INTU: variants seen among roughly 807,000 people sequenced by gnomAD.
The protein encoded by INTU is inturned planar cell polarity protein, also known as protein inturned.
Under a neutral mutation model 100.5 loss-of-function variants are expected in INTU, and 68 were observed. That is an observed-to-expected ratio of 0.68 (90% CI 0.56 to 0.83). The LOEUF (loss-of-function observed/expected upper bound fraction) is 0.83. Among genes scored for constraint, INTU ranks in the 40% least tolerant of loss-of-function variants. The pLI is 0.00. For synonymous variants in INTU, 357 were observed against 395.7 expected, an observed-to-expected ratio of 0.90 and a Z score of 1.16; for missense variants, 1,071 against 1,114.7, an observed-to-expected ratio of 0.96 and a Z score of 0.56.
chr4:127,673,550 C>CTT (rs541112035), intron 5 of INTU, among the ~76,000 whole-genome samples: 1 of 144,542 alleles, frequency 6.9e-6, no homozygotes, highest in Non-Finnish European at 1.5e-5. Context: ...AGAATTTCAA[C>CTT]TTTTTTTTTT....
At chr4:127,708,778 A>T in intron 13 of INTU, 110 bp downstream of exon 13, 5 of 590,310 alleles carry the variant, frequency 8.5e-6, no homozygotes, top group Non-Finnish European at 1.2e-5. Context: ...GATATATCTT[A>T]CATATTAAAG....
intron 15 of INTU, among the ~76,000 whole-genome samples, 169 bp downstream of exon 15, chr4:127,714,262 A>G (rs747075603): frequency 5.3e-4 from 80 of 152,110 alleles, no homozygotes; most frequent in South Asian, 1.2e-3. Context: ...CCTCCCAAGT[A>G]TTTTTCTATT....
intron 2 of INTU, among the ~76,000 whole-genome samples, chr4:127,655,462 G>T (rs573023608): frequency 6.7e-6 from 1 of 150,118 alleles, no homozygotes; most frequent in African/African-American, 2.5e-5. Context: ...TCAGCTGCAG[G>T]TCTGTTGGAA....
At chr4:127,673,822 C>T (rs547805530) in intron 5 of INTU, among the ~76,000 whole-genome samples, 3 of 151,988 alleles carry the variant, frequency 2.0e-5, no homozygotes, top group Non-Finnish European at 4.4e-5. Flanking sequence ...TTCTCAAACT[C>T]CTGACCTCAA....
chr4:127,650,511 A>T (rs1316322260), intron 2 of INTU, among the ~76,000 whole-genome samples: 3 of 151,642 alleles, frequency 2.0e-5, no homozygotes, highest in African/African-American at 7.3e-5. Flanking sequence ...ACTGAGAATG[A>T]TTTCCAATTT....
Position 127,687,883 on chromosome 4 carries a change from A to G in INTU, c.1449+16A>G. On this transcript the variant is annotated intron_variant, in intron 8 of 15. Coordinates refer to ENST00000335251, the MANE Select transcript of INTU (RefSeq NM_015693.4). Reference sequence around the variant, plus strand: ...GGAAATCAAGGTAATCTTAGGTATTATAAAGCAGAAGCAGAACCAGGTGCC... The same window carrying G: ...GGAAATCAAGGTAATCTTAGGTATTGTAAAGCAGAAGCAGAACCAGGTGCC... 3 of 1,530,080 alleles carry G rather than the reference A, an allele frequency of 2.0e-6. No homozygotes were observed. Among genetic ancestry groups the G allele is most frequent in the Non-Finnish European group, 2.7e-6 (3 of 1,124,308 alleles). The allele number at this position is 1,530,080 out of a possible 1,614,324, so 94.8% of individuals were successfully genotyped here. A position where few individuals can be genotyped will look rare whatever the true frequency, so the allele number is the denominator to read the frequency against.
At chr4:127,647,856 A>G (rs1727658518) in intron 2 of INTU, among the ~76,000 whole-genome samples, 1 of 152,168 alleles carries the variant, frequency 6.6e-6, no homozygotes, top group Non-Finnish European at 1.5e-5. Context: ...TAAGTTGTAT[A>G]TTCATTTTAT....
chr4:127,668,894 C>G (rs1728806388), intron 4 of INTU, 142 bp from the exon 5 acceptor site: 5 of 503,332 alleles, frequency 9.9e-6, no homozygotes, highest in Non-Finnish European at 1.8e-5. Flanking sequence ...AAGCATAGTT[C>G]TCCCCTTGTG....
chr4:127,682,213 AG>A (rs1294929132), intron 6 of INTU, among the ~76,000 whole-genome samples: 1 of 152,090 alleles, frequency 6.6e-6, no homozygotes, highest in Non-Finnish European at 1.5e-5. Flanking sequence ...TCAGGGATCT[AG>A]AACTAGAAAT....
intron 6 of INTU, among the ~76,000 whole-genome samples, chr4:127,675,647 G>C (rs1729141809): frequency 6.6e-6 from 1 of 152,146 alleles, no homozygotes; most frequent in African/African-American, 2.4e-5. Flanking sequence ...TTATCTGAAG[G>C]CTTTAACTGG....
intron 2 of INTU, among the ~76,000 whole-genome samples, chr4:127,650,181 T>G (rs1727777758): frequency 6.6e-6 from 1 of 152,140 alleles, no homozygotes; most frequent in South Asian, 2.1e-4. Context: ...ATGGATTTAA[T>G]TAGAATTTCA....
At chr4:127,713,058 G>A (rs568945644) in intron 14 of INTU, among the ~76,000 whole-genome samples, 76 of 152,298 alleles carry the variant, frequency 5.0e-4, no homozygotes, top group African/African-American at 1.4e-3. Context: ...ATGCATGGCC[G>A]GATAGACTAT....
Position 127,722,360 on chromosome 4 carries a change from A to T in INTU, c.*5924A>T, listed in dbSNP as rs527620151. On this transcript the variant is annotated 3_prime_UTR_variant, in exon 16 of 16. Transcript: ENST00000335251. Reference sequence around the variant, plus strand: ...TCTGTCCCAGAGGGGCACTGGCCTGATGCTAGCCGGAATGCTCCTGTATGA... The same window carrying T: ...TCTGTCCCAGAGGGGCACTGGCCTGTTGCTAGCCGGAATGCTCCTGTATGA... The T allele has an allele frequency of 6.6e-6, 1 of 152,262 alleles. No individual in the cohort carries two copies. Among genetic ancestry groups the T allele is most frequent in the Admixed American group, 6.5e-5 (1 of 15,288 alleles). The allele number at this position is 152,262 out of a possible 1,614,324, so 9.4% of individuals were successfully genotyped here.
chr4:127,635,283 A>G (rs1002008840), intron 1 of INTU, among the ~76,000 whole-genome samples: 4 of 152,082 alleles, frequency 2.6e-5, no homozygotes, highest in African/African-American at 9.7e-5. Context: ...GTATGTCTTA[A>G]GTTGACACAT....
chr4:127,686,640 C>T (rs1729839976), intron 7 of INTU: 1 of 152,198 alleles, frequency 6.6e-6, no homozygotes, highest in African/African-American at 2.4e-5. Context: ...TCCAACCATT[C>T]AACCTAAAAT....
Position 127,710,949 on chromosome 4 carries a change from C to G in INTU, c.2406C>G (p.Tyr802Ter). 11 of 1,524,312 alleles carry G rather than the reference C, an allele frequency of 7.2e-6. No homozygotes were observed. The highest frequency in any genetic ancestry group is 8.9e-6 in the Non-Finnish European group (10 of 1,121,456). The allele number at this position is 1,524,312 out of a possible 1,614,324, so 94.4% of individuals were successfully genotyped here. A position where few individuals can be genotyped will look rare whatever the true frequency, so the allele number is the denominator to read the frequency against. The change falls in exon 14 of 16, where the codon TAC (tyrosine) becomes TAG (stop). Residue 802 changes from tyrosine (Y) to a stop codon, truncating the protein, a stop_gained. Coordinates refer to ENST00000335251, the MANE Select transcript of INTU (RefSeq NM_015693.4). LOFTEE classifies it high-confidence loss of function. ...GTCCTGAGAACACACTTTTCCACTACGTTGCCTTAGAAACAGTGCAAGGAA... is the reference window on the plus strand; with the variant it reads ...GTCCTGAGAACACACTTTTCCACTAGGTTGCCTTAGAAACAGTGCAAGGAA... ...TSGPENTLFHYVALETVQGIF... is the reference protein window; with the variant it reads ...TSGPENTLFH
intron 2 of INTU, among the ~76,000 whole-genome samples, chr4:127,650,449 C>G (rs1727799105): frequency 6.7e-6 from 1 of 149,350 alleles, no homozygotes; most frequent in African/African-American, 2.5e-5. Flanking sequence ...CTTCAATTCC[C>G]ATCTATGAGT....
At chr4:127,664,978 T>A (rs1056809757) in intron 4 of INTU, among the ~76,000 whole-genome samples, 7 of 151,832 alleles carry the variant, frequency 4.6e-5, no homozygotes, top group African/African-American at 1.2e-4. Context: ...TTCTTTTTTT[T>A]AAATGATTAC....
chr4:127,708,271 G>C (rs1730967833), intron 12 of INTU, among the ~76,000 whole-genome samples: 1 of 152,140 alleles, frequency 6.6e-6, no homozygotes, highest in Non-Finnish European at 1.5e-5. Flanking sequence ...ATAAGACACA[G>C]CCCCTGACTT....
Sources: allele counts gnomAD v4.1 joint callset (sites outside exome capture counted in the v4.1 genomes callset), GRCh38; gene constraint gnomAD v4.1.1; transcripts MANE v1.5; gene names NCBI Gene and HGNC (gene_info 2026-07-23, HGNC 2026-07-21).